Variants in PAFAH1B2 observed in about 807,000 individuals in gnomAD.
PAFAH1B2 encodes the protein platelet activating factor acetylhydrolase 1b catalytic subunit 2.
In PAFAH1B2, 8 loss-of-function variants were observed where a neutral mutation model predicts 28.0. That is an observed-to-expected ratio of 0.29 (90% CI 0.17 to 0.52). The LOEUF (loss-of-function observed/expected upper bound fraction) is 0.52. Ranked by LOEUF, PAFAH1B2 falls within the 20% of genes least tolerant of loss-of-function variation. The pLI, the probability that PAFAH1B2 is intolerant of heterozygous loss-of-function variation, is 0.97. For synonymous variants in PAFAH1B2, 104 were observed against 103.2 expected, an observed-to-expected ratio of 1.01 and a Z score of -0.05; for missense variants, 190 against 282.6, an observed-to-expected ratio of 0.67 and a Z score of 2.35.
intron 2 of PAFAH1B2, 28 bp downstream of exon 2, chr11:117,152,556 A>T (rs1956175723): frequency 1.4e-6 from 2 of 1,473,502 alleles, no homozygotes; most frequent in Non-Finnish European, 1.9e-6. Flanking sequence ...TGTATCATTC[A>T]CATGAGTTGA....
rs1269899232 is a variant in PAFAH1B2, at chr11:117,170,952, A to T, written c.*3253A>T. Reference sequence around the variant, plus strand: ...TAGCTGACTGGACCTCCCCATTGGAAGTTTGTGATTTTGCTTTGGCAAAGT... The same window carrying T: ...TAGCTGACTGGACCTCCCCATTGGATGTTTGTGATTTTGCTTTGGCAAAGT... On this transcript the variant is annotated 3_prime_UTR_variant, in exon 6 of 6. Coordinates refer to ENST00000527958, the MANE Select transcript of PAFAH1B2 (RefSeq NM_002572.4). The T allele has an allele frequency of 9.5e-7, 1 of 1,054,578 alleles. No individual in the cohort carries two copies. Among genetic ancestry groups the T allele is most frequent in the Non-Finnish European group, 1.1e-6 (1 of 872,478 alleles). 65.3% of individuals were successfully genotyped at this position (1,054,578 alleles called of 1,614,324 possible).
intron 1 of PAFAH1B2, among the ~76,000 whole-genome samples, chr11:117,147,617 T>G (rs2134164159): frequency 6.6e-6 from 1 of 152,372 alleles, no homozygotes; most frequent in South Asian, 2.1e-4. Context: ...TCAGTTTTTC[T>G]TTTCCTGGTG....
rs1362296990 is a variant in PAFAH1B2, at chr11:117,170,766, T to C, written c.*3067T>C. On this transcript the variant is annotated 3_prime_UTR_variant, in exon 6 of 6. Transcript: ENST00000527958. ...ATTGCCAACTTTATATTTATTGCAG[T>C]GAAGAAGAAACTAAAAATATATGGA... 5 of 1,060,434 alleles carry C rather than the reference T, an allele frequency of 4.7e-6. No homozygotes were observed. The highest frequency in any genetic ancestry group is 5.7e-6 in the Non-Finnish European group (5 of 876,250). 65.7% of individuals were successfully genotyped at this position (1,060,434 alleles called of 1,614,324 possible).
chr11:117,174,165 TGTGTG>T (rs1565279895), downstream of PAFAH1B2, among the ~76,000 whole-genome samples: 1 of 4,650 alleles, frequency 2.2e-4, no homozygotes, highest in Non-Finnish European at 5.7e-4. Flanking sequence ...TCATGTCTTT[TGTGTG>T]TGTGTGTGTG....
chr11:117,167,491 A>C lies in PAFAH1B2; in HGVS notation c.482A>C (p.Lys161Thr), dbSNP rs1956538377. The C allele has an allele frequency of 3.1e-6, 5 of 1,610,650 alleles. No homozygotes were observed. The highest frequency in any genetic ancestry group is 4.2e-6 in the Non-Finnish European group (5 of 1,178,034). ...AACGCCAAGGTGAACCAACTCCTCAAGGTTTCGCTGCCGAAGCTTGCCAAC... is the reference window on the plus strand; with the variant it reads ...AACGCCAAGGTGAACCAACTCCTCACGGTTTCGCTGCCGAAGCTTGCCAAC... ...QKNAKVNQLL[K>T]VSLPKLANVQ... The change falls in exon 6 of 6, where the codon AAG (lysine) becomes ACG (threonine). Residue 161 changes from lysine (K) to threonine (T), a missense_variant. By Grantham distance (78) the Lys-to-Thr change is moderately conservative (BLOSUM62 -1). Coordinates refer to ENST00000527958, the MANE Select transcript of PAFAH1B2 (RefSeq NM_002572.4).
intron 2 of PAFAH1B2, 97 bp downstream of exon 2, chr11:117,152,625 C>G (rs150077338): frequency 8.3e-6 from 7 of 839,562 alleles, no homozygotes; most frequent in Non-Finnish European, 1.4e-5. Context: ...ACTGTGTTGC[C>G]CAGGCTGATC....
chr11:117,151,166 A>G (rs184248854), intron 1 of PAFAH1B2, among the ~76,000 whole-genome samples: 76 of 151,568 alleles, frequency 5.0e-4, no homozygotes, highest in Non-Finnish European at 5.9e-4. Context: ...TAGCAGTTCT[A>G]ATTTTGCGGA....
At chr11:117,151,238 T>TC (rs1173299887) in intron 1 of PAFAH1B2, among the ~76,000 whole-genome samples, 5 of 149,148 alleles carry the variant, frequency 3.4e-5, no homozygotes, top group Admixed American at 3.3e-4. Flanking sequence ...TTTTTCTTTT[T>TC]TTTTTTTTTG....
intron 3 of PAFAH1B2, 103 bp downstream of exon 3, chr11:117,160,126 A>C (rs1343021579): frequency 1.2e-6 from 1 of 834,866 alleles, no homozygotes; most frequent in Non-Finnish European, 2.1e-6. Context: ...TGTGACTCTT[A>C]GAGAAGCCCT....
In PAFAH1B2 at chr11:117,163,250, G is replaced by GT. The variant is rs1371164271; in HGVS notation, c.289-517dup. On this transcript the variant is annotated intron_variant, in intron 4 of 5. Transcript: ENST00000527958. ...AAAGAAAGATGGATTGAGCCCAGGA[G>GT]TTTAAGACCAGCCTGGGCAATATAG... 3.3e-5 allele frequency among the ~76,000 whole-genome samples: 5 copies of GT among 152,274 alleles called. No individual in the cohort carries two copies. In the East Asian group the frequency reaches 9.6e-4, roughly 29 times the overall value.
downstream of PAFAH1B2, among the ~76,000 whole-genome samples, chr11:117,172,371 TATATATATATATATA>T (rs1956673483): frequency 2.0e-3 from 6 of 2,990 alleles, no homozygotes; most frequent in African/African-American, 6.5e-3. Context: ...TATATATATA[TATATATATATATATA>T]TATATATATA....
At chr11:117,157,927 C>T (rs1332852989) in intron 2 of PAFAH1B2, among the ~76,000 whole-genome samples, 2 of 152,112 alleles carry the variant, frequency 1.3e-5, no homozygotes, top group Non-Finnish European at 2.9e-5. Flanking sequence ...CACCTGAGGT[C>T]AGGAGTTCGA....
downstream of PAFAH1B2, among the ~76,000 whole-genome samples, chr11:117,171,408 C>A (rs576940558): frequency 4.6e-5 from 7 of 152,066 alleles, no homozygotes; most frequent in Non-Finnish European, 8.8e-5. Flanking sequence ...GCCGGGCTCA[C>A]GCCTGTAATC....
chr11:117,152,542 C>A lies in PAFAH1B2; in HGVS notation c.81+14C>A. The A allele has an allele frequency of 6.5e-7, 1 of 1,545,466 alleles. No homozygotes were observed. The highest frequency in any genetic ancestry group is 8.9e-7 in the Non-Finnish European group (1 of 1,117,384). On this transcript the variant is annotated intron_variant, in intron 2 of 5. Transcript: ENST00000527958. ...TGGATGTCTCAGGTAAAAGGAAGTG[C>A]ATGTGTATCATTCACATGAGTTGAG...
At position 117,170,691 on chromosome 11, in the gene PAFAH1B2, A is replaced by C. The variant is rs1183078040; in HGVS notation, c.*2992A>C. On this transcript the variant is annotated 3_prime_UTR_variant, in exon 6 of 6. Coordinates refer to ENST00000527958, the MANE Select transcript of PAFAH1B2 (RefSeq NM_002572.4). ...TATTTTTTTAACCTAGTCACTGTTT[A>C]CAATTGTATGCTAAAGCCTGAAATA... 1 of 1,057,440 alleles carries C rather than the reference A, an allele frequency of 9.5e-7. No homozygotes were observed. The highest frequency in any genetic ancestry group is 1.1e-6 in the Non-Finnish European group (1 of 874,988). 65.5% of individuals were successfully genotyped at this position (1,057,440 alleles called of 1,614,324 possible).
intron 1 of PAFAH1B2, among the ~76,000 whole-genome samples, chr11:117,148,032 ATTTATCTT>A (rs1956054467): frequency 6.6e-6 from 1 of 150,604 alleles, no homozygotes; most frequent in Non-Finnish European, 1.5e-5. Flanking sequence ...TAGAATTAGA[ATTTATCTT>A]TTTTCTTTTT....
chr11:117,171,990 G>C (rs1956660485), downstream of PAFAH1B2, among the ~76,000 whole-genome samples: 1 of 151,954 alleles, frequency 6.6e-6, no homozygotes, highest in Admixed American at 6.6e-5. Flanking sequence ...TTTGTCAGCT[G>C]CTTGCAGGCC....
At chr11:117,156,934 C>T (rs1956267405) in intron 2 of PAFAH1B2, among the ~76,000 whole-genome samples, 1 of 151,624 alleles carries the variant, frequency 6.6e-6, no homozygotes, top group African/African-American at 2.4e-5. Context: ...CCTCCCCAGC[C>T]TGAGCCTGGG....
chr11:117,164,983 T>A (rs1956469950), intron 5 of PAFAH1B2, among the ~76,000 whole-genome samples: 1 of 134,110 alleles, frequency 7.5e-6, no homozygotes, highest in Admixed American at 8.3e-5. Flanking sequence ...TGAGACAGAG[T>A]CTCGCTCTGT....
Sources: gnomAD v4.1 joint callset for allele counts (sites outside exome capture counted in the v4.1 genomes callset) on GRCh38, gnomAD v4.1.1 for gene constraint, MANE v1.5 for transcripts, NCBI Gene and HGNC (gene_info 2026-07-23, HGNC 2026-07-21) for gene names.